The following ATP9A variants were observed in gnomAD, a reference collection of about 807,000 sequenced individuals.
ATP9A encodes probable phospholipid-transporting ATPase IIA.
Under a neutral mutation model 144.1 loss-of-function variants are expected in ATP9A, and 52 were observed. The ratio of observed to expected loss-of-function variants is 0.36; its 90% CI spans 0.29 to 0.45. ATP9A has a LOEUF of 0.45. Among genes scored for constraint, ATP9A ranks in the 20% least tolerant of loss-of-function variants. The pLI, the probability that ATP9A is intolerant of heterozygous loss-of-function variation, is 1.00. For missense variants in ATP9A, 947 were observed against 1,392.7 expected (o/e 0.68, Z 5.09); for synonymous variants, 582 against 557.4 (o/e 1.04, Z -0.62).
intron 3 of ATP9A, among the ~76,000 whole-genome samples, chr20:51,713,314 C>A (rs914779089): frequency 1.3e-5 from 2 of 152,032 alleles, no homozygotes; most frequent in African/African-American, 4.8e-5. Flanking sequence ...ACACTCACTG[C>A]CACACACACA....
intron 13 of ATP9A, among the ~76,000 whole-genome samples, chr20:51,661,315 C>T (rs1446714831): frequency 1.3e-5 from 2 of 151,830 alleles, no homozygotes; most frequent in African/African-American, 2.4e-5. Context: ...CACATATGGG[C>T]ATTCATACTA....
chr20:51,607,395 C>T, intron 26 of ATP9A, 132 bp downstream of exon 26: 2 of 758,340 alleles, frequency 2.6e-6, no homozygotes, highest in South Asian at 1.7e-5. Flanking sequence ...AGGGTCTCCC[C>T]TGGGTCCCAC....
intron 11 of ATP9A, among the ~76,000 whole-genome samples, chr20:51,671,863 A>G (rs139619966): frequency 3.3e-4 from 50 of 151,782 alleles, no homozygotes; most frequent in East Asian, 7.8e-4. Context: ...CAGTGGTGCT[A>G]TTTCAGCTCA....
intron 18 of ATP9A, among the ~76,000 whole-genome samples, chr20:51,624,963 C>A (rs990648936): frequency 1.3e-5 from 2 of 148,710 alleles, no homozygotes; most frequent in Non-Finnish European, 3.0e-5. Context: ...CAAGATCATG[C>A]CACTGCACTC....
At chr20:51,762,415 G>C (rs2077884699) in intron 1 of ATP9A, among the ~76,000 whole-genome samples, 3 of 151,710 alleles carry the variant, frequency 2.0e-5, no homozygotes, top group Admixed American at 2.0e-4. Context: ...AGAACTGCTT[G>C]AACCGGGAGG....
At chr20:51,616,023 T>C (rs1436925479) in intron 22 of ATP9A, among the ~76,000 whole-genome samples, 1 of 152,026 alleles carries the variant, frequency 6.6e-6, no homozygotes, top group Non-Finnish European at 1.5e-5. Flanking sequence ...GAAGGGAAAA[T>C]GCTTTAATTT....
chr20:51,668,117 T>G (rs1017448534), intron 13 of ATP9A, among the ~76,000 whole-genome samples: 59 of 532 alleles, frequency 0.11, 1 homozygote, highest in Admixed American at 0.29. Context: ...GGGCTGGGAG[T>G]GGGCGAGGGG....
Position 51,725,859 on chromosome 20 carries a change from T to C in ATP9A, c.287A>G (p.Glu96Gly), listed in dbSNP as rs1210709241. Residue 96 changes from glutamate to glycine, a missense_variant, in exon 3 of 28, where the codon GAA becomes GGA. By Grantham distance (98) the Glu-to-Gly change is moderately conservative. This residue lies in a region of ATP9A where 770 missense variants were observed against 1,047.9 expected (regional missense o/e 0.73). Transcript: ENST00000338821. ...GGTATAGAGTGCACCAAGTCTCATT[T>C]CGGGAACAAACTGAGAGCAGGCAAG... ...LLLACSQFVPEMRLGALYTYW... is the reference protein window; with the variant it reads ...LLLACSQFVPGMRLGALYTYW... 1 of 1,613,736 alleles carries C rather than the reference T, an allele frequency of 6.2e-7. No homozygotes were observed. The highest frequency in any genetic ancestry group is 2.2e-5 in the East Asian group (1 of 44,870).
intron 1 of ATP9A, among the ~76,000 whole-genome samples, chr20:51,757,991 G>A (rs769304763): frequency 6.6e-6 from 1 of 152,094 alleles, no homozygotes; most frequent in Non-Finnish European, 1.5e-5. Flanking sequence ...TTTAGACTGC[G>A]CCATTTCAGC....
intron 1 of ATP9A, among the ~76,000 whole-genome samples, chr20:51,730,663 A>G (rs868356479): frequency 6.6e-6 from 1 of 152,214 alleles, no homozygotes; most frequent in Non-Finnish European, 1.5e-5. Context: ...GGTACAGCCT[A>G]TTATTCCTCA....
intron 9 of ATP9A, among the ~76,000 whole-genome samples, chr20:51,688,473 T>C (rs1171160776): frequency 6.6e-6 from 1 of 151,892 alleles, no homozygotes; most frequent in Non-Finnish European, 1.5e-5. Flanking sequence ...GGGCCTATAA[T>C]CCCAGCTACT....
intron 3 of ATP9A, among the ~76,000 whole-genome samples, chr20:51,713,601 G>C (rs1249781220): frequency 6.6e-6 from 1 of 152,162 alleles, no homozygotes; most frequent in African/African-American, 2.4e-5. Flanking sequence ...CTGCAATGTA[G>C]GAAATCTTAA....
chr20:51,745,265 TAAAAAAA>T (rs56011562), intron 1 of ATP9A, among the ~76,000 whole-genome samples: 3,142 of 106,506 alleles, frequency 0.03, 61 homozygotes, highest in Admixed American at 0.081. Context: ...AGACTCCGTC[TAAAAAAA>T]AAAAAAAAAA....
At chr20:51,745,737 T>C (rs1253474546) in intron 1 of ATP9A, among the ~76,000 whole-genome samples, 2 of 152,152 alleles carry the variant, frequency 1.3e-5, no homozygotes, top group African/African-American at 4.8e-5. Flanking sequence ...TCTGTGATGA[T>C]GGAATCATTC....
intron 3 of ATP9A, among the ~76,000 whole-genome samples, chr20:51,718,240 TGTAAG>T (rs2077670875): frequency 6.6e-6 from 1 of 152,076 alleles, no homozygotes; most frequent in Non-Finnish European, 1.5e-5. Flanking sequence ...ATATGGTTTA[TGTAAG>T]GTAAGTTATA....
chr20:51,656,291 C>T (rs6123063), intron 14 of ATP9A, among the ~76,000 whole-genome samples: 28,690 of 152,112 alleles, frequency 0.19, 3,001 homozygotes, highest in South Asian at 0.37. Context: ...GTGACTCACG[C>T]CTGTAATCCC....
chr20:51,648,569 G>A (rs1451626595), intron 14 of ATP9A, among the ~76,000 whole-genome samples: 2 of 152,300 alleles, frequency 1.3e-5, no homozygotes, highest in South Asian at 2.1e-4. Context: ...CAGTGCTTAC[G>A]CCTGTAATTC....
intron 9 of ATP9A, among the ~76,000 whole-genome samples, chr20:51,683,011 G>A (rs1270598921): frequency 2.7e-5 from 4 of 150,362 alleles, no homozygotes; most frequent in African/African-American, 4.9e-5. Context: ...AGAATCGCTT[G>A]AACCCAGGAG....
intron 3 of ATP9A, among the ~76,000 whole-genome samples, chr20:51,724,374 G>T (rs1309922119): frequency 1.3e-5 from 2 of 152,030 alleles, no homozygotes; most frequent in Non-Finnish European, 2.9e-5. Context: ...AATGCTCTAA[G>T]CACATGCCTG....
Sources: allele counts gnomAD v4.1 joint callset (sites outside exome capture counted in the v4.1 genomes callset), GRCh38; gene constraint gnomAD v4.1.1; regional missense constraint gnomAD v4.1.1; transcripts MANE v1.5; gene names NCBI Gene and HGNC (gene_info 2026-07-23, HGNC 2026-07-21).